MYO6: variants seen among roughly 807,000 people sequenced by gnomAD.
MYO6 encodes the protein myosin VI.
In MYO6, 74 loss-of-function variants were observed where a neutral mutation model predicts 178.7. The observed-to-expected ratio is 0.41, with a 90% confidence interval of 0.34 to 0.50. The LOEUF (loss-of-function observed/expected upper bound fraction) is 0.50. Among genes scored for constraint, MYO6 ranks in the 20% least tolerant of loss-of-function variants. MYO6 has a pLI of 0.09. For synonymous variants in MYO6, 477 were observed against 504.6 expected, an observed-to-expected ratio of 0.95 and a Z score of 0.73; for missense variants, 1,330 against 1,547.4, an observed-to-expected ratio of 0.86 and a Z score of 2.36.
chr6:75,887,025 T>G (rs746206914), intron 25 of MYO6, 31 bp downstream of exon 25: 1 of 1,587,286 alleles, frequency 6.3e-7, no homozygotes, highest in Non-Finnish European at 8.6e-7. Context: ...TGACTTTGAC[T>G]TTTTATGTAA....
chr6:75,832,170 G>C (rs1400684076), intron 5 of MYO6, among the ~76,000 whole-genome samples: 2 of 152,136 alleles, frequency 1.3e-5, no homozygotes, highest in African/African-American at 2.4e-5. Flanking sequence ...TAAATTGTTG[G>C]AGTCTAATGA....
intron 1 of MYO6, among the ~76,000 whole-genome samples, chr6:75,787,714 CTCTCTCTCTCTCTCTCTATATATA>C (rs1401197311): frequency 5.5e-4 from 34 of 61,490 alleles, no homozygotes; most frequent in African/African-American, 8.1e-4. Flanking sequence ...CTCTCTCTCT[CTCTCTCTCTCTCTCTCTATATATA>C]TATATATATA....
intron 1 of MYO6, among the ~76,000 whole-genome samples, chr6:75,761,592 A>AACACACAGAC (rs1777947919): frequency 1.4e-5 from 2 of 142,974 alleles, no homozygotes; most frequent in African/African-American, 5.2e-5. Context: ...GGGCTGTTAG[A>AACACACAGAC]ACACACACAC....
chr6:75,880,015 A>G, intron 21 of MYO6, 28 bp from the exon 22 acceptor site: 1 of 1,613,150 alleles, frequency 6.2e-7, no homozygotes, highest in Non-Finnish European at 8.5e-7. Flanking sequence ...AATAATTGAC[A>G]TTTAACTTTT....
intron 1 of MYO6, among the ~76,000 whole-genome samples, chr6:75,804,513 C>T (rs549968054): frequency 6.6e-6 from 1 of 152,210 alleles, no homozygotes; most frequent in Admixed American, 6.5e-5. Context: ...TTCATACTCC[C>T]CTCCACTGGA....
chr6:75,805,730 T>C (rs1201106025), intron 1 of MYO6, among the ~76,000 whole-genome samples: 1 of 152,204 alleles, frequency 6.6e-6, no homozygotes, highest in South Asian at 2.1e-4. Flanking sequence ...TGGGGAATTA[T>C]CTCTCTTAGA....
intron 1 of MYO6, among the ~76,000 whole-genome samples, chr6:75,805,005 A>G (rs547743395): frequency 1.9e-5 from 1 of 53,858 alleles, no homozygotes; most frequent in Non-Finnish European, 3.0e-5. Context: ...ACACACACAT[A>G]TATATATATA....
chr6:75,893,881 T>A lies in MYO6; in HGVS notation c.3107+1191T>A, dbSNP rs559643991. On this transcript the variant is annotated intron_variant, in intron 28 of 34. Transcript: ENST00000369977. ...TAAAATATTTTGGCCCAGATAGGGC[T>A]TTTATAAATGCAGACTCAGCTCAGC... Among the ~76,000 whole-genome samples the A allele has an allele frequency of 3.9e-5, 6 of 152,348 alleles. No homozygotes were observed. In the East Asian group the frequency reaches 1.2e-3, roughly 29 times the overall value.
rs746874102 is a variant in MYO6 at position 75,830,461 on chromosome 6, A to G, written c.307A>G (p.Ile103Val). The change falls in exon 5 of 35, where the codon ATA (isoleucine) becomes GTA (valine). Residue 103 changes from isoleucine to valine, a missense_variant. Physicochemically the swap from Ile to Val is conservative, Grantham distance 29 (BLOSUM62 3). This residue lies in a region of MYO6 where 613 missense variants were observed against 816.8 expected (regional missense o/e 0.75). Coordinates refer to ENST00000369977, the MANE Select transcript of MYO6 (RefSeq NM_004999.4). Reference protein sequence around the residue: ...ILIAVNPYFDIPKIYSSEAIK... With the variant: ...ILIAVNPYFDVPKIYSSEAIK... ...GATTGCAGTGAATCCATACTTTGAC[A>G]TACCTAAAATATATTCTTCAGAAGC... 1.9e-6 allele frequency: 3 copies of G among 1,612,016 alleles called. No homozygotes were observed. The highest frequency in any genetic ancestry group is 1.7e-5 in the Admixed American group (1 of 60,020).
intron 34 of MYO6, 78 bp from the exon 35 acceptor site, chr6:75,914,735 A>G (rs1235827855): frequency 7.7e-7 from 1 of 1,295,566 alleles, no homozygotes; most frequent in African/African-American, 1.5e-5. Context: ...GAGAATTAAT[A>G]GGTATTTCAG....
rs531294038 is a variant in MYO6 at position 75,802,587 on chromosome 6, T to C, written c.-47-14914T>C. Among the ~76,000 whole-genome samples the C allele has an allele frequency of 1.2e-4, 18 of 151,048 alleles. 1 individual carries two copies. In the South Asian group the frequency reaches 2.1e-3, roughly 18 times the overall value. ...GCCTCAACATCCCAGGCTGAAGTGA[T>C]CCTTCCACTTCAGCCTCCCACCACG... On this transcript the variant is annotated intron_variant, in intron 1 of 34. Coordinates refer to ENST00000369977, the MANE Select transcript of MYO6 (RefSeq NM_004999.4).
intron 25 of MYO6, 70 bp from the exon 26 acceptor site, chr6:75,889,987 A>T: frequency 9.5e-7 from 1 of 1,051,352 alleles, no homozygotes; most frequent in Non-Finnish European, 1.5e-6. Context: ...CAGTATTGTT[A>T]AGTATATTCA....
intron 28 of MYO6, among the ~76,000 whole-genome samples, chr6:75,893,823 T>C (rs1421410696): frequency 6.6e-6 from 1 of 152,250 alleles, no homozygotes; most frequent in Non-Finnish European, 1.5e-5. Context: ...TTGAGTCCAA[T>C]ATTTGGGCTC....
At chr6:75,771,007 T>C (rs972738745) in intron 1 of MYO6, among the ~76,000 whole-genome samples, 4 of 151,820 alleles carry the variant, frequency 2.6e-5, no homozygotes, top group African/African-American at 7.3e-5. Context: ...TTTTTCTTTT[T>C]TTTTTTTTCC....
chr6:75,831,446 G>C (rs1303001039), intron 5 of MYO6, among the ~76,000 whole-genome samples: 2 of 152,310 alleles, frequency 1.3e-5, no homozygotes, highest in South Asian at 2.1e-4. Flanking sequence ...GCTATGACAG[G>C]CATCGTTGTG....
chr6:75,893,077 T>A (rs1779030694), intron 28 of MYO6, among the ~76,000 whole-genome samples: 1 of 152,148 alleles, frequency 6.6e-6, no homozygotes, highest in African/African-American at 2.4e-5. Context: ...AATGTATTTG[T>A]AGTTGAGATT....
At chr6:75,906,335 G>T (rs895664877) in intron 30 of MYO6, among the ~76,000 whole-genome samples, 1 of 152,108 alleles carries the variant, frequency 6.6e-6, no homozygotes, top group Non-Finnish European at 1.5e-5. Context: ...TTACAGAAAA[G>T]AAATTGTTCC....
intron 14 of MYO6, among the ~76,000 whole-genome samples, chr6:75,860,397 A>G (rs1044199520): frequency 6.6e-6 from 1 of 152,226 alleles, no homozygotes; most frequent in Non-Finnish European, 1.5e-5. Flanking sequence ...TCATGCCTCT[A>G]ATTTAACATA....
At chr6:75,814,789 G>T (rs1407362063) in intron 1 of MYO6, among the ~76,000 whole-genome samples, 1 of 151,612 alleles carries the variant, frequency 6.6e-6, no homozygotes, top group Non-Finnish European at 1.5e-5. Flanking sequence ...AACGTGGGAG[G>T]TCAAGGTTGC....
Sources: allele counts gnomAD v4.1 joint callset (sites outside exome capture counted in the v4.1 genomes callset), GRCh38; gene constraint gnomAD v4.1.1; regional missense constraint gnomAD v4.1.1; transcripts MANE v1.5; gene names NCBI Gene and HGNC (gene_info 2026-07-23, HGNC 2026-07-21).